The following EPB41L5 variants were observed in gnomAD, a reference collection of about 807,000 sequenced individuals.
The protein encoded by EPB41L5 is erythrocyte membrane protein band 4.1 like 5.
EPB41L5 carries 55 observed loss-of-function variants against 106.6 expected under a neutral mutation model. That is an observed-to-expected ratio of 0.52 (90% confidence interval 0.42 to 0.65). The LOEUF (loss-of-function observed/expected upper bound fraction) is 0.65. Ranked by LOEUF, EPB41L5 falls within the 30% of genes least tolerant of loss-of-function variation. The probability of loss-of-function intolerance (pLI) is 0.00; values close to 1 mark genes in which losing one functional copy is unlikely to be tolerated. For missense variants in EPB41L5, 871 were observed against 882.1 expected (o/e 0.99, Z 0.16); for synonymous variants, 297 against 306.7 (o/e 0.97, Z 0.33).
intron 3 of EPB41L5, among the ~76,000 whole-genome samples, chr2:120,071,163 C>CA (rs1681837258): frequency 6.6e-6 from 1 of 152,130 alleles, no homozygotes; most frequent in East Asian, 1.9e-4. Flanking sequence ...AGTCAATGTG[C>CA]AAAAATCACA....
At chr2:120,144,087 GTTA>G (rs1686297140) in intron 19 of EPB41L5, among the ~76,000 whole-genome samples, 1 of 152,182 alleles carries the variant, frequency 6.6e-6, no homozygotes, top group Non-Finnish European at 1.5e-5. Flanking sequence ...AGTAGTAATA[GTTA>G]TTATTTGCTA....
At chr2:120,036,934 G>C (rs1335142818) in intron 2 of EPB41L5, among the ~76,000 whole-genome samples, 1 of 152,044 alleles carries the variant, frequency 6.6e-6, no homozygotes, top group Non-Finnish European at 1.5e-5. Flanking sequence ...ACAAGATAAA[G>C]GTATCTGCTG....
At chr2:120,171,532 A>G (rs1446504999) in intron 24 of EPB41L5, among the ~76,000 whole-genome samples, 1 of 152,248 alleles carries the variant, frequency 6.6e-6, no homozygotes. Context: ...GACTAACTCA[A>G]AGTCCACACA....
rs1380440665 is a variant in EPB41L5, at chr2:120,177,051, A to G, written c.*2144A>G. 6 of 152,132 alleles carry G rather than the reference A, an allele frequency of 3.9e-5. No individual in the cohort carries two copies. The highest frequency in any genetic ancestry group is 8.8e-5 in the Non-Finnish European group (6 of 68,020). The allele number at this position is 152,132 out of a possible 1,614,324, so 9.4% of individuals were successfully genotyped here. A position where few individuals can be genotyped will look rare whatever the true frequency, so the allele number is the denominator to read the frequency against. ...ACGGAAGTTCATACTTGAATGCTGAATTGGCCCCGACAGATTAAATGCGTG... is the reference window on the plus strand; with the variant it reads ...ACGGAAGTTCATACTTGAATGCTGAGTTGGCCCCGACAGATTAAATGCGTG... On this transcript the variant is annotated 3_prime_UTR_variant, in exon 25 of 25. Transcript: ENST00000263713.
intron 18 of EPB41L5, among the ~76,000 whole-genome samples, chr2:120,138,744 A>G (rs1339959215): frequency 2.0e-5 from 3 of 152,206 alleles, no homozygotes; most frequent in South Asian, 2.1e-4. Flanking sequence ...TATTGATTCA[A>G]TGTCCATACT....
intron 19 of EPB41L5, among the ~76,000 whole-genome samples, chr2:120,144,578 C>T (rs573262580): frequency 6.6e-6 from 1 of 152,188 alleles, no homozygotes; most frequent in African/African-American, 2.4e-5. Context: ...GATCAAATAC[C>T]TTCATTGTGA....
chr2:120,136,355 A>T (rs1558899419), intron 18 of EPB41L5, among the ~76,000 whole-genome samples: 1 of 151,814 alleles, frequency 6.6e-6, no homozygotes, highest in Non-Finnish European at 1.5e-5. Flanking sequence ...AGAGAAGATC[A>T]CAAAACAATC....
At chr2:120,040,067 CTT>C (rs1300089393) in intron 2 of EPB41L5, among the ~76,000 whole-genome samples, 3 of 146,608 alleles carry the variant, frequency 2.0e-5, no homozygotes, top group East Asian at 2.0e-4. Context: ...TTTGTCTGTG[CTT>C]TTTATATATA....
chr2:120,089,079 CAG>C (rs1364238830), intron 11 of EPB41L5, among the ~76,000 whole-genome samples: 1 of 152,080 alleles, frequency 6.6e-6, no homozygotes, highest in African/African-American at 2.4e-5. Context: ...TTATTGCATA[CAG>C]AGTGATATTT....
chr2:120,093,690 G>A (rs187896050), intron 14 of EPB41L5, among the ~76,000 whole-genome samples: 1 of 152,244 alleles, frequency 6.6e-6, no homozygotes, highest in East Asian at 1.9e-4. Flanking sequence ...GATTTCATTA[G>A]CCTGGTATGT....
At position 120,104,602 on chromosome 2, in the gene EPB41L5, C is replaced by A. The variant is rs967703488; in HGVS notation, c.1337+3788C>A. The A allele has an allele frequency of 3.0e-6, 3 of 992,456 alleles. No individual in the cohort carries two copies. In the African/African-American group the frequency reaches 5.2e-5, roughly 17 times the overall value. 61.5% of individuals were successfully genotyped at this position (992,456 alleles called of 1,614,324 possible). A position where few individuals can be genotyped will look rare whatever the true frequency, so the allele number is the denominator to read the frequency against. ...CCCACCACATGCCATCCAAAGAGAT[C>A]GAGGTTAAAAGAATCAGACACACTA... On this transcript the variant is annotated intron_variant, in intron 16 of 24. Coordinates refer to ENST00000263713, the MANE Select transcript of EPB41L5 (RefSeq NM_020909.4).
At chr2:120,047,784 T>C (rs1395990568) in intron 3 of EPB41L5, among the ~76,000 whole-genome samples, 2 of 152,258 alleles carry the variant, frequency 1.3e-5, no homozygotes, top group Admixed American at 1.3e-4. Flanking sequence ...TTCAGTGTGA[T>C]ACTGGCTGTG....
chr2:120,049,888 G>T (rs1408084592), intron 3 of EPB41L5, among the ~76,000 whole-genome samples: 2 of 152,130 alleles, frequency 1.3e-5, no homozygotes, highest in Non-Finnish European at 1.5e-5. Context: ...CCATTTGCTT[G>T]TCTGTAAAGG....
At position 120,019,094 on chromosome 2, in the gene EPB41L5, T is replaced by C. The variant is rs1677742766; in HGVS notation, c.10T>C (p.Phe4Leu). Residue 4 changes from phenylalanine (F) to leucine (L), a missense_variant, in exon 2 of 25, where the codon TTC becomes CTC. Coordinates refer to ENST00000263713, the MANE Select transcript of EPB41L5 (RefSeq NM_020909.4). MLS[F>L]FRRTLGRRSM... ...TTTTATAGTGACAAAAATGCTGAGT[T>C]TCTTCCGTAGAACACTAGGGCGTCG... 10 of 1,599,580 alleles carry C rather than the reference T, an allele frequency of 6.3e-6. No individual in the cohort carries two copies. Among genetic ancestry groups the C allele is most frequent in the Non-Finnish European group, 8.5e-6 (10 of 1,176,110 alleles).
intron 12 of EPB41L5, among the ~76,000 whole-genome samples, 167 bp from the exon 13 acceptor site, chr2:120,091,388 A>C (rs535746373): frequency 4.6e-5 from 7 of 152,358 alleles, no homozygotes; most frequent in South Asian, 4.1e-4. Flanking sequence ...ACAAAAGCCG[A>C]AAGAATGATA....
chr2:120,154,767 A>T (rs2105521665), intron 20 of EPB41L5, among the ~76,000 whole-genome samples: 1 of 152,130 alleles, frequency 6.6e-6, no homozygotes, highest in Non-Finnish European at 1.5e-5. Context: ...TCTGCTAAAA[A>T]TACAAAATAT....
At chr2:120,165,650 C>G (rs1284325446) in intron 22 of EPB41L5, among the ~76,000 whole-genome samples, 1 of 152,114 alleles carries the variant, frequency 6.6e-6, no homozygotes, top group Non-Finnish European at 1.5e-5. Context: ...ACAGTTCCTT[C>G]CCTCCAGGGA....
chr2:120,073,797 C>T (rs536868082), intron 4 of EPB41L5, among the ~76,000 whole-genome samples: 5 of 152,222 alleles, frequency 3.3e-5, no homozygotes, highest in African/African-American at 9.6e-5. Context: ...CATAGGCATT[C>T]TTCAGTGTAG....
At chr2:120,072,996 T>C (rs1250462347) in intron 3 of EPB41L5, among the ~76,000 whole-genome samples, 182 bp from the exon 4 acceptor site, 1 of 152,102 alleles carries the variant, frequency 6.6e-6, no homozygotes, top group Non-Finnish European at 1.5e-5. Flanking sequence ...AAGCTTGCTA[T>C]GGTGGATATT....
Sources: gnomAD v4.1 joint callset for allele counts (sites outside exome capture counted in the v4.1 genomes callset) on GRCh38, gnomAD v4.1.1 for gene constraint, MANE v1.5 for transcripts, NCBI Gene and HGNC (gene_info 2026-07-23, HGNC 2026-07-21) for gene names.